Variants in MAPK4 observed in about 807,000 individuals in gnomAD.
MAPK4 encodes the protein Erk3-related.
Under a neutral mutation model 47.7 loss-of-function variants are expected in MAPK4, and 22 were observed. The ratio of observed to expected loss-of-function variants is 0.46; its 90% confidence interval spans 0.33 to 0.66. The LOEUF (loss-of-function observed/expected upper bound fraction) is 0.66, where lower values mean the gene tolerates loss of function less well. Among genes scored for constraint, MAPK4 ranks in the 30% least tolerant of loss-of-function variants. The pLI, the probability that MAPK4 is intolerant of heterozygous loss-of-function variation, is 0.02. For synonymous variants in MAPK4, 390 were observed against 365.7 expected, an observed-to-expected ratio of 1.07 and a Z score of -0.76; for missense variants, 736 against 831.7, an observed-to-expected ratio of 0.88 and a Z score of 1.42.
chr18:50,728,803 A>G (rs535348440), intron 5 of MAPK4, among the ~76,000 whole-genome samples: 30 of 152,334 alleles, frequency 2.0e-4, no homozygotes, highest in African/African-American at 6.5e-4. Flanking sequence ...TCAGCTTTTG[A>G]GAAGCATTGC....
intron 3 of MAPK4, among the ~76,000 whole-genome samples, chr18:50,720,477 G>A (rs1476805441): frequency 1.3e-5 from 2 of 152,114 alleles, no homozygotes; most frequent in Non-Finnish European, 2.9e-5. Context: ...CCAGGCCATG[G>A]ATTCCCAGGG....
chr18:50,713,834 C>T (rs192809308), intron 2 of MAPK4, among the ~76,000 whole-genome samples: 16 of 152,300 alleles, frequency 1.1e-4, no homozygotes, highest in African/African-American at 2.9e-4. Context: ...TTGAGGCCAG[C>T]GTATGGGATG....
At chr18:50,587,343 C>A (rs375991378) in intron 1 of MAPK4, among the ~76,000 whole-genome samples, 15 of 152,366 alleles carry the variant, frequency 9.8e-5, no homozygotes, top group African/African-American at 3.1e-4. Context: ...GGAACCCTCA[C>A]AGACACCGAA....
At chr18:50,702,288 G>C (rs924067414) in intron 2 of MAPK4, among the ~76,000 whole-genome samples, 1 of 151,848 alleles carries the variant, frequency 6.6e-6, no homozygotes, top group Non-Finnish European at 1.5e-5. Flanking sequence ...GCGTGGTGGT[G>C]CATGCCTGTA....
chr18:50,607,056 C>G (rs1458107363), intron 1 of MAPK4, among the ~76,000 whole-genome samples: 1 of 152,218 alleles, frequency 6.6e-6, no homozygotes, highest in Non-Finnish European at 1.5e-5. Flanking sequence ...CTTACTGCAG[C>G]ATAACCTCTC....
chr18:50,710,366 T>A (rs1455252384), intron 2 of MAPK4, among the ~76,000 whole-genome samples: 1 of 151,642 alleles, frequency 6.6e-6, no homozygotes. Context: ...GCCTGTAGTC[T>A]CAGCTACTTG....
At chr18:50,587,563 T>C (rs951208822) in intron 1 of MAPK4, among the ~76,000 whole-genome samples, 2 of 152,090 alleles carry the variant, frequency 1.3e-5, no homozygotes, top group African/African-American at 4.8e-5. Flanking sequence ...CCACCAGTCC[T>C]TTTCTGACAT....
At chr18:50,652,839 C>G (rs2043065192) in intron 1 of MAPK4, among the ~76,000 whole-genome samples, 2 of 152,074 alleles carry the variant, frequency 1.3e-5, no homozygotes, top group Non-Finnish European at 2.9e-5. Flanking sequence ...AAGGAGACAT[C>G]AGGGAAGGCT....
At chr18:50,654,737 G>A (rs1037201068) in intron 1 of MAPK4, among the ~76,000 whole-genome samples, 12 of 152,194 alleles carry the variant, frequency 7.9e-5, no homozygotes, top group African/African-American at 2.9e-4. Flanking sequence ...CTGGTGCTAT[G>A]CCCGTGGCCA....
intron 1 of MAPK4, among the ~76,000 whole-genome samples, chr18:50,562,329 C>T (rs1364968472): frequency 6.6e-6 from 1 of 151,538 alleles, no homozygotes; most frequent in Non-Finnish European, 1.5e-5. Context: ...GGTTAAAAGT[C>T]TGCCTCTTAC....
At position 50,560,107 on chromosome 18, in the gene MAPK4, G is replaced by T. The variant is rs1458897064; in HGVS notation, c.-1007G>T. On this transcript the variant is annotated 5_prime_UTR_variant, in exon 1 of 6. Transcript: ENST00000400384. ...GAGCCGGAGCCCGAGCTGGAGCAGCGAGCCGGGCTGTCGGGGCGACCGCGG... is the reference window on the plus strand; with the variant it reads ...GAGCCGGAGCCCGAGCTGGAGCAGCTAGCCGGGCTGTCGGGGCGACCGCGG... 19 of 148,988 alleles carry T rather than the reference G, an allele frequency of 1.3e-4. No homozygotes were observed. The highest frequency in any genetic ancestry group is 4.4e-4 in the African/African-American group (18 of 41,150). The allele number at this position is 148,988 out of a possible 1,614,324, so 9.2% of individuals were successfully genotyped here.
intron 1 of MAPK4, among the ~76,000 whole-genome samples, chr18:50,564,530 G>A (rs1213951350): frequency 6.6e-6 from 1 of 152,166 alleles, no homozygotes; most frequent in East Asian, 1.9e-4. Flanking sequence ...TATGTATCAT[G>A]CCATATAAGA....
intron 1 of MAPK4, among the ~76,000 whole-genome samples, chr18:50,615,185 TC>T (rs1224711525): frequency 6.6e-6 from 1 of 152,184 alleles, no homozygotes; most frequent in Non-Finnish European, 1.5e-5. Flanking sequence ...GCTCATGTGT[TC>T]TTTCATAATT....
At chr18:50,563,869 C>G (rs963303458) in intron 1 of MAPK4, among the ~76,000 whole-genome samples, 5 of 152,178 alleles carry the variant, frequency 3.3e-5, no homozygotes, top group Admixed American at 3.3e-4. Flanking sequence ...CGGTCACTTT[C>G]TCTTAAATAT....
intron 1 of MAPK4, among the ~76,000 whole-genome samples, chr18:50,640,650 GAGATGGGGTTTCA>G (rs1330006178): frequency 6.6e-6 from 1 of 152,124 alleles, no homozygotes; most frequent in African/African-American, 2.4e-5. Flanking sequence ...ATTTTTAGTA[GAGATGGGGTTTCA>G]CCATGTTGGC....
intron 1 of MAPK4, among the ~76,000 whole-genome samples, chr18:50,652,033 T>C (rs992164897): frequency 9.9e-5 from 15 of 152,238 alleles, no homozygotes; most frequent in Non-Finnish European, 4.4e-5. Context: ...ACTGTACTTA[T>C]TTCTGGAAGC....
At chr18:50,614,056 A>T (rs1371372876) in intron 1 of MAPK4, among the ~76,000 whole-genome samples, 1 of 152,224 alleles carries the variant, frequency 6.6e-6, no homozygotes, top group African/African-American at 2.4e-5. Context: ...TATCATTGAA[A>T]GTTGGCAAAA....
intron 1 of MAPK4, among the ~76,000 whole-genome samples, chr18:50,641,456 T>G (rs974342895): frequency 1.4e-4 from 21 of 152,216 alleles, no homozygotes; most frequent in African/African-American, 4.3e-4. Flanking sequence ...TAACACACTC[T>G]GTTCTATAGA....
At chr18:50,666,735 C>T (rs1452918755) in intron 2 of MAPK4, among the ~76,000 whole-genome samples, 2 of 152,168 alleles carry the variant, frequency 1.3e-5, no homozygotes, top group Non-Finnish European at 2.9e-5. Context: ...CCAGTAGGTG[C>T]TCACATCATC....
Sources: allele counts gnomAD v4.1 joint callset (sites outside exome capture counted in the v4.1 genomes callset), GRCh38; gene constraint gnomAD v4.1.1; transcripts MANE v1.5; gene names NCBI Gene and HGNC (gene_info 2026-07-23, HGNC 2026-07-21).